Variants in CTTNBP2 observed in about 807,000 individuals in gnomAD.
The protein encoded by CTTNBP2 is cortactin-binding protein 2.
In CTTNBP2, 108 loss-of-function variants were observed where a neutral mutation model predicts 156.9. That is an observed-to-expected ratio of 0.69 (90% CI 0.59 to 0.81). The LOEUF is 0.81. Ranked by LOEUF, CTTNBP2 falls within the 30% of genes least tolerant of loss-of-function variation. The probability of loss-of-function intolerance (pLI) is 0.00; values close to 1 mark genes in which losing one functional copy is unlikely to be tolerated. For synonymous variants in CTTNBP2, 767 were observed against 751.8 expected, an observed-to-expected ratio of 1.02 and a Z score of -0.33; for missense variants, 1,924 against 2,035.4, an observed-to-expected ratio of 0.95 and a Z score of 1.05.
At chr7:117,826,826 C>CATTATTATTATT (rs71984775) in intron 2 of CTTNBP2, among the ~76,000 whole-genome samples, 1 of 140,250 alleles carries the variant, frequency 7.1e-6, no homozygotes, top group African/African-American at 2.6e-5. Flanking sequence ...TTCTACTGAG[C>CATTATTATTATT]ATTATTATTA....
chr7:117,726,044 G>A (rs1224238964), intron 17 of CTTNBP2, among the ~76,000 whole-genome samples: 2 of 152,210 alleles, frequency 1.3e-5, no homozygotes, highest in Non-Finnish European at 2.9e-5. Flanking sequence ...AAGGGTGCGT[G>A]TGGGTGGGCT....
intron 2 of CTTNBP2, among the ~76,000 whole-genome samples, chr7:117,832,004 T>C (rs2117081611): frequency 6.6e-6 from 1 of 152,246 alleles, no homozygotes; most frequent in South Asian, 2.1e-4. Flanking sequence ...AACTACCTGT[T>C]AAATAACTTG....
chr7:117,749,665 A>T (rs1796521594), intron 12 of CTTNBP2, among the ~76,000 whole-genome samples: 1 of 152,160 alleles, frequency 6.6e-6, no homozygotes, highest in African/African-American at 2.4e-5. Context: ...ACTATGCAGT[A>T]AAGGATAAAT....
chr7:117,777,146 C>T (rs1798148018), intron 8 of CTTNBP2, among the ~76,000 whole-genome samples: 1 of 152,098 alleles, frequency 6.6e-6, no homozygotes, highest in South Asian at 2.1e-4. Context: ...CTCTGCAGCA[C>T]GAGTGTGAAT....
At chr7:117,721,582 A>T (rs774962365) in intron 19 of CTTNBP2, among the ~76,000 whole-genome samples, 58 of 152,360 alleles carry the variant, frequency 3.8e-4, no homozygotes, top group Admixed American at 9.2e-4. Flanking sequence ...AGTTTTTGAT[A>T]TGTGGCATTA....
chr7:117,761,380 A>G, intron 9 of CTTNBP2, among the ~76,000 whole-genome samples: 1 of 152,298 alleles, frequency 6.6e-6, no homozygotes, highest in African/African-American at 2.4e-5. Flanking sequence ...GTTCTTTCCA[A>G]TTTCTCCGAC....
intron 2 of CTTNBP2, among the ~76,000 whole-genome samples, chr7:117,860,405 T>C (rs1803642686): frequency 6.6e-6 from 1 of 151,868 alleles, no homozygotes; most frequent in Non-Finnish European, 1.5e-5. Flanking sequence ...TGCAGTGGCG[T>C]GATCTCGACT....
At chr7:117,855,337 G>A (rs35494545) in intron 2 of CTTNBP2, among the ~76,000 whole-genome samples, 21,378 of 151,998 alleles carry the variant, frequency 0.14, 1,543 homozygotes, top group East Asian at 0.24. Context: ...GGTCTTGAAC[G>A]CCTGACCTCA....
At chr7:117,723,265 T>C (rs1794901424) in intron 19 of CTTNBP2, among the ~76,000 whole-genome samples, 3 of 152,182 alleles carry the variant, frequency 2.0e-5, no homozygotes, top group Admixed American at 1.3e-4. Context: ...CTTAGGGTAA[T>C]TGGGGAACCC....
At chr7:117,832,376 C>T (rs1489544611) in intron 2 of CTTNBP2, among the ~76,000 whole-genome samples, 1 of 152,202 alleles carries the variant, frequency 6.6e-6, no homozygotes, top group African/African-American at 2.4e-5. Context: ...CAACCTTCCT[C>T]TCTGCTGATA....
At chr7:117,743,928 T>C (rs985266017) in intron 14 of CTTNBP2, among the ~76,000 whole-genome samples, 4 of 152,092 alleles carry the variant, frequency 2.6e-5, no homozygotes, top group Non-Finnish European at 5.9e-5. Context: ...GATATTCAGA[T>C]TCTACTGGAA....
At chr7:117,781,333 T>G (rs1798422918) in intron 6 of CTTNBP2, among the ~76,000 whole-genome samples, 1 of 152,262 alleles carries the variant, frequency 6.6e-6, no homozygotes, top group South Asian at 2.1e-4. Context: ...CCACTTCATC[T>G]TTTATTTTCA....
intron 2 of CTTNBP2, among the ~76,000 whole-genome samples, chr7:117,826,330 CAA>C (rs1227673267): frequency 6.6e-6 from 1 of 151,802 alleles, no homozygotes; most frequent in African/African-American, 2.4e-5. Flanking sequence ...GATTACAGAG[CAA>C]AAAAGACTTA....
At chr7:117,795,784 G>C (rs550628407) in intron 3 of CTTNBP2, among the ~76,000 whole-genome samples, 29 of 152,276 alleles carry the variant, frequency 1.9e-4, no homozygotes, top group African/African-American at 6.7e-4. Context: ...CTTGTGCTTT[G>C]TAAATCCTAT....
At chr7:117,802,843 C>T (rs1279294076) in intron 3 of CTTNBP2, among the ~76,000 whole-genome samples, 2 of 152,156 alleles carry the variant, frequency 1.3e-5, no homozygotes, top group African/African-American at 4.8e-5. Context: ...TACCACTTCA[C>T]ACCAGTCAGA....
chr7:117,854,772 A>T (rs1803165706), intron 2 of CTTNBP2, among the ~76,000 whole-genome samples: 1 of 150,776 alleles, frequency 6.6e-6, no homozygotes, highest in African/African-American at 2.5e-5. Context: ...AGATGATTTA[A>T]TTAATTAATT....
chr7:117,863,053 C>T (rs1803879215), intron 1 of CTTNBP2, among the ~76,000 whole-genome samples: 3 of 152,158 alleles, frequency 2.0e-5, no homozygotes, highest in Non-Finnish European at 4.4e-5. Context: ...GTATACATAG[C>T]AAAGACAATA....
At chr7:117,747,085 C>G (rs912842927) in intron 12 of CTTNBP2, among the ~76,000 whole-genome samples, 13 of 152,170 alleles carry the variant, frequency 8.5e-5, no homozygotes, top group African/African-American at 3.1e-4. Flanking sequence ...TAATGGAAAG[C>G]TGGTCTTGCA....
chr7:117,800,378 T>C (rs1799545063), intron 3 of CTTNBP2, among the ~76,000 whole-genome samples: 2 of 152,014 alleles, frequency 1.3e-5, no homozygotes, highest in South Asian at 4.2e-4. Context: ...GCAGGAACCT[T>C]TTTATGTGGT....
Sources: allele counts gnomAD v4.1 joint callset (sites outside exome capture counted in the v4.1 genomes callset), GRCh38; gene constraint gnomAD v4.1.1; transcripts MANE v1.5; gene names NCBI Gene and HGNC (gene_info 2026-07-23, HGNC 2026-07-21).